Variants in SGSM1 observed in about 807,000 individuals in gnomAD.
SGSM1 encodes small G protein signaling modulator 1, also known as RUN and TBC1 domain containing 2.
In SGSM1, 73 loss-of-function variants were observed where a neutral mutation model predicts 133.8. The ratio of observed to expected loss-of-function variants is 0.55; its 90% CI spans 0.45 to 0.66. The LOEUF (loss-of-function observed/expected upper bound fraction) is 0.66, where lower values mean the gene tolerates loss of function less well. Ranked by LOEUF, SGSM1 falls within the 30% of genes least tolerant of loss-of-function variation. The probability of loss-of-function intolerance (pLI) is 0.00; values close to 1 mark genes in which losing one functional copy is unlikely to be tolerated. For synonymous variants in SGSM1, 563 were observed against 573.0 expected, an observed-to-expected ratio of 0.98 and a Z score of 0.25; for missense variants, 1,213 against 1,448.1, an observed-to-expected ratio of 0.84 and a Z score of 2.64.
intron 19 of SGSM1, 126 bp from the exon 20 acceptor site, chr22:24,901,707 G>A (rs1933166018): frequency 9.7e-7 from 1 of 1,031,372 alleles, no homozygotes; most frequent in East Asian, 2.9e-5. Flanking sequence ...TGGTCCAGGT[G>A]GGAGATGTAT....
chr22:24,842,650 G>A (rs1018993541), intron 2 of SGSM1, among the ~76,000 whole-genome samples: 4 of 152,136 alleles, frequency 2.6e-5, no homozygotes, highest in African/African-American at 7.2e-5. Context: ...AATGTTACAC[G>A]TCTGATGGGT....
At chr22:24,904,572 C>T (rs1270824289) in intron 20 of SGSM1, among the ~76,000 whole-genome samples, 62 of 124,726 alleles carry the variant, frequency 5.0e-4, no homozygotes, top group African/African-American at 1.8e-3. Flanking sequence ...AGTGAGACTC[C>T]GTCTCAAAAA....
intron 2 of SGSM1, among the ~76,000 whole-genome samples, chr22:24,806,759 G>A (rs1927415553): frequency 6.6e-6 from 1 of 151,980 alleles, no homozygotes; most frequent in Non-Finnish European, 1.5e-5. Context: ...ACACCTGGAT[G>A]TATCCCGATA....
Position 24,843,601 on chromosome 22 carries a change from A to G in SGSM1, c.64-1296A>G, listed in dbSNP as rs148185841. ...TTTTGGATTGTTTTCCAACCTCCTC[A>G]ACCTCAAAGTGGGGTAACTGAGGTC... On this transcript the variant is annotated intron_variant, in intron 2 of 24. Transcript: ENST00000400358. 3 of 152,324 alleles carry G rather than the reference A, an allele frequency of 2.0e-5. No individual in the cohort carries two copies. The East Asian group carries it at 5.8e-4, about 29-fold the overall frequency. 9.4% of individuals were successfully genotyped at this position (152,324 alleles called of 1,614,324 possible). A position where few individuals can be genotyped will look rare whatever the true frequency, so the allele number is the denominator to read the frequency against.
At chr22:24,868,658 C>T in intron 11 of SGSM1, 65 bp from the exon 12 acceptor site, 1 of 1,609,188 alleles carries the variant, frequency 6.2e-7, no homozygotes, top group East Asian at 2.2e-5. Context: ...CTGATACCCT[C>T]AGACTAAGCA....
At chr22:24,900,387 C>CTTTCTTTCTTTCTTTCTT (rs1555935549) in intron 19 of SGSM1, among the ~76,000 whole-genome samples, 1 of 72,890 alleles carries the variant, frequency 1.4e-5, no homozygotes, top group East Asian at 1.0e-3. Flanking sequence ...TTCTTTCTTT[C>CTTTCTTTCTTTCTTTCTT]TTTCTTTCTT....
intron 23 of SGSM1, among the ~76,000 whole-genome samples, chr22:24,918,340 C>CA (rs1341402426): frequency 2.6e-5 from 4 of 151,658 alleles, no homozygotes; most frequent in Non-Finnish European, 5.9e-5. Context: ...ACTAAAAATA[C>CA]AAAAAATTGG....
At chr22:24,877,375 A>G (rs151009739) in intron 13 of SGSM1, among the ~76,000 whole-genome samples, 1,756 of 152,316 alleles carry the variant, frequency 0.012, 17 homozygotes, top group African/African-American at 0.04. Flanking sequence ...GGTACTGTTC[A>G]GTAAATGACA....
In SGSM1 at chr22:24,867,172, G is replaced by A; in HGVS notation, c.994+12G>A. On this transcript the variant is annotated intron_variant, in intron 10 of 24. Transcript: ENST00000400358. The stretch of plus-strand genomic sequence containing the variant: ...CTGCCACCAGCAAGGTAGGGACTGT[G>A]GGGACAGGAGGGGTCTGCGTATTCC... 6.2e-7 allele frequency: 1 copy of A among 1,613,074 alleles called. No homozygotes were observed. The highest frequency in any genetic ancestry group is 8.5e-7 in the Non-Finnish European group (1 of 1,179,452).
intron 20 of SGSM1, 96 bp from the exon 21 acceptor site, chr22:24,905,009 T>G (rs1601978077): frequency 1.0e-6 from 1 of 954,288 alleles, no homozygotes; most frequent in South Asian, 1.3e-5. Flanking sequence ...GGGGTCCAGG[T>G]GAGGGATTGG....
In SGSM1 at chr22:24,898,047, A is replaced by G; in HGVS notation, c.2098A>G (p.Asn700Asp). Residue 700 changes from asparagine to aspartate, a missense_variant, in exon 19 of 25, where the codon AAT (asparagine) becomes GAT (aspartate). Asn to Asp is a conservative substitution (Grantham distance 23). Coordinates refer to ENST00000400358, the MANE Select transcript of SGSM1 (RefSeq NM_001098497.3). Reference protein sequence around the residue: ...RLEEKQPKIPNGNLVNGTCSP... With the variant: ...RLEEKQPKIPDGNLVNGTCSP... The stretch of plus-strand genomic sequence containing the variant: ...GGAGGAGAAACAGCCCAAGATCCCC[A>G]ATGGGAACCTAGTGAACGGCACTTG... 1 of 1,613,942 alleles carries G rather than the reference A, an allele frequency of 6.2e-7. No homozygotes were observed. The highest frequency in any genetic ancestry group is 8.5e-7 in the Non-Finnish European group (1 of 1,179,862).
chr22:24,920,970 T>A (rs956393297), intron 24 of SGSM1, among the ~76,000 whole-genome samples: 5 of 152,220 alleles, frequency 3.3e-5, no homozygotes, highest in Non-Finnish European at 5.9e-5. Flanking sequence ...GGTTTTTCAC[T>A]AGTATCCTTT....
chr22:24,820,298 G>A (rs1928390520), intron 2 of SGSM1, among the ~76,000 whole-genome samples: 1 of 152,138 alleles, frequency 6.6e-6, no homozygotes, highest in Non-Finnish European at 1.5e-5. Flanking sequence ...GATAAGGGGA[G>A]GCTCATTTGT....
At chr22:24,856,733 A>C (rs754244438) in intron 8 of SGSM1, among the ~76,000 whole-genome samples, 1 of 152,002 alleles carries the variant, frequency 6.6e-6, no homozygotes, top group Non-Finnish European at 1.5e-5. Flanking sequence ...CCGCAAATCT[A>C]AGAAGCCATT....
chr22:24,860,910 A>ATATAT (rs1361547978), intron 9 of SGSM1, among the ~76,000 whole-genome samples: 23 of 97,156 alleles, frequency 2.4e-4, no homozygotes, highest in South Asian at 8.2e-4. Context: ...AAAAAAAAAA[A>ATATAT]AAAAAAAAAA....
rs1314856670 is a variant in SGSM1 at position 24,879,438 on chromosome 22, A to C, written c.1431-24A>C. ...GGCTGTGTTTGGATCTATTCTAAGCATCTCCCTCTTTCTCCACCTGCAGGG... is the reference window on the plus strand; with the variant it reads ...GGCTGTGTTTGGATCTATTCTAAGCCTCTCCCTCTTTCTCCACCTGCAGGG... On this transcript the variant is annotated intron_variant, in intron 13 of 24. Coordinates refer to ENST00000400358, the MANE Select transcript of SGSM1 (RefSeq NM_001098497.3). 4 of 1,611,926 alleles carry C rather than the reference A, an allele frequency of 2.5e-6. No homozygotes were observed. In the African/African-American group the frequency reaches 5.3e-5, roughly 22 times the overall value.
At chr22:24,915,723 A>G (rs1400204910) in intron 22 of SGSM1, among the ~76,000 whole-genome samples, 1 of 152,158 alleles carries the variant, frequency 6.6e-6, no homozygotes, top group East Asian at 1.9e-4. Context: ...ACTTTTAGTT[A>G]TTTTAAAATG....
intron 21 of SGSM1, among the ~76,000 whole-genome samples, chr22:24,907,207 C>T (rs1411916129): frequency 6.6e-6 from 1 of 151,622 alleles, no homozygotes; most frequent in African/African-American, 2.4e-5. Flanking sequence ...TTGCAGTGAG[C>T]TGAGATTGCG....
rs1422349647 is a variant in SGSM1 at position 24,821,614 on chromosome 22, C to A, written c.63+15130C>A. On this transcript the variant is annotated intron_variant, in intron 2 of 24. Transcript: ENST00000400358. The stretch of plus-strand genomic sequence containing the variant: ...AAAGTCCATTGCAAGTCATGGTGGG[C>A]TGCGGGCACAGGGGATCCCATTGCA... 4.6e-5 allele frequency among the ~76,000 whole-genome samples: 7 copies of A among 152,188 alleles called. No homozygotes were observed. The South Asian group carries it at 1.4e-3, about 32-fold the overall frequency.
Sources: gnomAD v4.1 joint callset for allele counts (sites outside exome capture counted in the v4.1 genomes callset) on GRCh38, gnomAD v4.1.1 for gene constraint, MANE v1.5 for transcripts, NCBI Gene and HGNC (gene_info 2026-07-23, HGNC 2026-07-21) for gene names.